Variants in PPM1E observed in about 807,000 individuals in gnomAD.
PPM1E encodes protein phosphatase 1E.
In PPM1E, 20 loss-of-function variants were observed where a neutral mutation model predicts 65.9. That is an observed-to-expected ratio of 0.30 (90% CI 0.21 to 0.44). The LOEUF is 0.44. PPM1E is among the 20% of genes least tolerant of loss of function. The pLI is 1.00. For synonymous variants in PPM1E, 352 were observed against 374.9 expected (o/e 0.94, Z 0.70); for missense variants, 713 against 953.1 (o/e 0.75, Z 3.32).
chr17:58,847,540 T>C (rs901397341), intron 1 of PPM1E, among the ~76,000 whole-genome samples: 2 of 152,194 alleles, frequency 1.3e-5, no homozygotes, highest in African/African-American at 4.8e-5. Context: ...CCTTTCCCCA[T>C]TTCTTGTTTT....
chr17:58,881,616 C>T lies in PPM1E; in HGVS notation c.465-74033C>T, dbSNP rs564349360. On this transcript the variant is annotated intron_variant, in intron 1 of 6. Coordinates refer to ENST00000308249, the MANE Select transcript of PPM1E (RefSeq NM_014906.5). ...GGTGGAGGTTGCAGTGAGCCAAGAT[C>T]GTGCCACTGCACTCCAGCCTGGTGA... 7.9e-5 allele frequency among the ~76,000 whole-genome samples: 12 copies of T among 152,072 alleles called. No individual in the cohort carries two copies. The East Asian group carries it at 1.4e-3, about 17-fold the overall frequency.
At chr17:58,836,441 G>A (rs1268594869) in intron 1 of PPM1E, among the ~76,000 whole-genome samples, 1 of 150,540 alleles carries the variant, frequency 6.6e-6, no homozygotes, top group Non-Finnish European at 1.5e-5. Context: ...GGGCGACAGA[G>A]TAAGATCCTG....
At chr17:58,790,932 C>T (rs1459041191) in intron 1 of PPM1E, among the ~76,000 whole-genome samples, 1 of 151,884 alleles carries the variant, frequency 6.6e-6, no homozygotes, top group African/African-American at 2.4e-5. Context: ...CTCTGTTGCC[C>T]AGGCTGGAGT....
intron 1 of PPM1E, among the ~76,000 whole-genome samples, chr17:58,903,171 C>T (rs1567870107): frequency 6.6e-6 from 1 of 152,140 alleles, no homozygotes; most frequent in African/African-American, 2.4e-5. Context: ...GCTTCAAGTC[C>T]GATGACATTA....
At chr17:58,809,400 A>AT (rs1457960686) in intron 1 of PPM1E, among the ~76,000 whole-genome samples, 6 of 150,384 alleles carry the variant, frequency 4.0e-5, no homozygotes, top group East Asian at 1.9e-4. Flanking sequence ...AATTAACAAA[A>AT]TTTTTTTTTT....
chr17:58,805,988 A>C (rs2050308888), intron 1 of PPM1E, among the ~76,000 whole-genome samples: 1 of 109,910 alleles, frequency 9.1e-6, no homozygotes, highest in Non-Finnish European at 1.8e-5. Flanking sequence ...AAAAAAACAA[A>C]ACAAAACAAA....
chr17:58,757,632 TGGAAA>T (rs2049781916), intron 1 of PPM1E, among the ~76,000 whole-genome samples: 1 of 152,190 alleles, frequency 6.6e-6, no homozygotes, highest in Non-Finnish European at 1.5e-5. Flanking sequence ...AAGAAGGGCC[TGGAAA>T]GTAAACCTGT....
At chr17:58,851,583 CTGCAGAACAGCAAATAT>C (rs1446864991) in intron 1 of PPM1E, among the ~76,000 whole-genome samples, 1 of 152,208 alleles carries the variant, frequency 6.6e-6, no homozygotes, top group Admixed American at 6.5e-5. Context: ...CCAGCAGATG[CTGCAGAACAGCAAATAT>C]TGCAGAATGG....
At chr17:58,965,648 A>G in intron 2 of PPM1E, 46 bp from the exon 3 acceptor site, 5 of 1,570,792 alleles carry the variant, frequency 3.2e-6, no homozygotes, top group South Asian at 2.2e-5. Context: ...AGTGAAAAGC[A>G]GTTTTACAAG....
intron 3 of PPM1E, among the ~76,000 whole-genome samples, chr17:58,967,177 C>T (rs2030304984): frequency 6.6e-6 from 1 of 152,074 alleles, no homozygotes; most frequent in African/African-American, 2.4e-5. Flanking sequence ...TATGTAGAAC[C>T]TAATAAATTT....
intron 1 of PPM1E, among the ~76,000 whole-genome samples, chr17:58,828,388 T>C (rs1210730126): frequency 1.3e-5 from 2 of 152,162 alleles, no homozygotes; most frequent in Non-Finnish European, 2.9e-5. Flanking sequence ...TCTTTTTCTC[T>C]CTCTTCCTCT....
chr17:58,867,437 G>T (rs116000082), intron 1 of PPM1E, among the ~76,000 whole-genome samples: 2,536 of 152,260 alleles, frequency 0.017, 50 homozygotes, highest in African/African-American at 0.058. Context: ...TGTTACAGGG[G>T]CTTGTACAAG....
intron 3 of PPM1E, among the ~76,000 whole-genome samples, chr17:58,966,910 TAAAG>T (rs2030291460): frequency 6.6e-6 from 1 of 152,228 alleles, no homozygotes; most frequent in Admixed American, 6.5e-5. Context: ...GTTTATGTTA[TAAAG>T]ATAGATCAGC....
intron 1 of PPM1E, among the ~76,000 whole-genome samples, chr17:58,798,513 G>A (rs1401178080): frequency 2.0e-5 from 3 of 147,732 alleles, no homozygotes; most frequent in African/African-American, 5.0e-5. Context: ...GTGATCCACC[G>A]CACACGGCCC....
intron 1 of PPM1E, among the ~76,000 whole-genome samples, chr17:58,806,060 C>T (rs144203688): frequency 0.014 from 2,122 of 150,492 alleles, 19 homozygotes; most frequent in Non-Finnish European, 0.022. Context: ...TCAATTCTCT[C>T]CTCCGTGTCC....
chr17:58,908,509 G>A (rs1057417414), intron 1 of PPM1E, among the ~76,000 whole-genome samples: 3 of 148,218 alleles, frequency 2.0e-5, no homozygotes, highest in Non-Finnish European at 1.5e-5. Flanking sequence ...GCATGATCTC[G>A]GCTCACTGCA....
chr17:58,911,291 T>C (rs2051624833), intron 1 of PPM1E, among the ~76,000 whole-genome samples: 1 of 152,212 alleles, frequency 6.6e-6, no homozygotes, highest in Non-Finnish European at 1.5e-5. Context: ...TCCAAGCTTC[T>C]TACAAGTGGA....
At chr17:58,847,591 T>A (rs1350566230) in intron 1 of PPM1E, among the ~76,000 whole-genome samples, 4 of 152,164 alleles carry the variant, frequency 2.6e-5, no homozygotes, top group African/African-American at 9.7e-5. Context: ...AGATGTGTGG[T>A]ATTATTTCTG....
intron 1 of PPM1E, among the ~76,000 whole-genome samples, chr17:58,761,588 T>C (rs925141520): frequency 6.6e-6 from 1 of 152,218 alleles, no homozygotes; most frequent in Non-Finnish European, 1.5e-5. Context: ...GCACATAGTA[T>C]ATTTTTCCCT....
Sources: allele counts gnomAD v4.1 joint callset (sites outside exome capture counted in the v4.1 genomes callset), GRCh38; gene constraint gnomAD v4.1.1; transcripts MANE v1.5; gene names NCBI Gene and HGNC (gene_info 2026-07-23, HGNC 2026-07-21).